NIN: variants seen among roughly 807,000 people sequenced by gnomAD.
NIN encodes the protein ninein, also known as glycogen synthase kinase 3 beta-interacting protein.
NIN carries 137 observed loss-of-function variants against 257.6 expected under a neutral mutation model. That is an observed-to-expected ratio of 0.53 (90% CI 0.46 to 0.61). NIN has a LOEUF of 0.61. Ranked by LOEUF, NIN falls within the 20% of genes least tolerant of loss-of-function variation. The pLI is 0.00. For synonymous variants in NIN, 918 were observed against 919.8 expected, an observed-to-expected ratio of 1.00 and a Z score of 0.04; for missense variants, 2,439 against 2,501.2, an observed-to-expected ratio of 0.98 and a Z score of 0.53.
chr14:50,725,739 C>A, intron 30 of NIN: 1 of 723,918 alleles, frequency 1.4e-6, no homozygotes, highest in East Asian at 2.7e-5. Context: ...TGTGGACAAA[C>A]ATGCCTTAAA....
intron 13 of NIN, 33 bp from the exon 14 acceptor site, chr14:50,766,429 T>C (rs758234488): frequency 2.5e-6 from 4 of 1,599,296 alleles, no homozygotes; most frequent in Non-Finnish European, 3.4e-6. Context: ...CTGTCATTTT[T>C]CCCGAGTGCC....
chr14:50,788,950 T>C (rs1324986203), intron 5 of NIN, among the ~76,000 whole-genome samples: 1 of 152,066 alleles, frequency 6.6e-6, no homozygotes, highest in Non-Finnish European at 1.5e-5. Context: ...AAAAAGTCAT[T>C]TGAGGAAAAA....
At chr14:50,731,775 G>T (rs145320595) in intron 28 of NIN, among the ~76,000 whole-genome samples, 134 of 152,268 alleles carry the variant, frequency 8.8e-4, no homozygotes, top group African/African-American at 3.1e-3. Flanking sequence ...GCAGTGAGCT[G>T]AAATCGCGCC....
chr14:50,790,821 T>C (rs944196225), intron 5 of NIN, among the ~76,000 whole-genome samples: 11 of 152,348 alleles, frequency 7.2e-5, no homozygotes, highest in Admixed American at 7.2e-4. Flanking sequence ...CTCTTATCTT[T>C]ATTTATACAT....
intron 15 of NIN, among the ~76,000 whole-genome samples, chr14:50,762,437 A>G (rs918533776): frequency 1.3e-5 from 2 of 152,152 alleles, no homozygotes; most frequent in African/African-American, 4.8e-5. Flanking sequence ...TTTCCTATGA[A>G]TTTCCTAGAG....
At position 50,729,632 on chromosome 14, in the gene NIN, G is replaced by T; in HGVS notation, c.5969C>A (p.Pro1990His). ...TTGAAGCTGCAGAAACTGCTCCCTG[G>T]GCACCATCGGACAGGCTTGCTGCTG... The part of the protein sequence containing the change: ...LLQQQACPMV[P>H]REQFLQLQRQ... The change falls in exon 29 of 31, where the codon CCC becomes CAC. Residue 1990 changes from proline to histidine, a missense_variant. Pro to His is a moderately conservative substitution (Grantham distance 77, BLOSUM62 -2). Coordinates refer to ENST00000530997, the MANE Select transcript of NIN (RefSeq NM_020921.4). 1 of 1,613,940 alleles carries T rather than the reference G, an allele frequency of 6.2e-7. No individual in the cohort carries two copies. Among genetic ancestry groups the T allele is most frequent in the Non-Finnish European group, 8.5e-7 (1 of 1,179,960 alleles).
chr14:50,789,939 T>G (rs1196422970), intron 5 of NIN, among the ~76,000 whole-genome samples: 1 of 152,246 alleles, frequency 6.6e-6, no homozygotes, highest in Non-Finnish European at 1.5e-5. Flanking sequence ...ACCACAAGAT[T>G]CCTGCATACA....
In NIN at chr14:50,765,633, C is replaced by T. The variant is rs536084370; in HGVS notation, c.1635+674G>A. On this transcript the variant is annotated intron_variant, in intron 14 of 30. Coordinates refer to ENST00000530997, the MANE Select transcript of NIN (RefSeq NM_020921.4). ...TTCTTGTTACTTGTAAAAATGTTTC[C>T]ATCTCTCCTGGCCGAAATTGGGAAT... is the stretch of plus-strand genomic sequence containing the variant. Among the ~76,000 whole-genome samples, 13 of 150,860 alleles carry T rather than the reference C, an allele frequency of 8.6e-5. No individual in the cohort carries two copies. The East Asian group carries it at 2.5e-3, about 29-fold the overall frequency.
chr14:50,724,897 G>A (rs1389088995), intron 30 of NIN, among the ~76,000 whole-genome samples: 1 of 152,106 alleles, frequency 6.6e-6, no homozygotes, highest in Non-Finnish European at 1.5e-5. Context: ...TTTCTCTTGT[G>A]TTCTCCTCTA....
chr14:50,750,294 G>A (rs2041732571), intron 21 of NIN, among the ~76,000 whole-genome samples: 1 of 151,994 alleles, frequency 6.6e-6, no homozygotes, highest in South Asian at 2.1e-4. Flanking sequence ...ACACATCTGT[G>A]TTTCTGTATC....
Position 50,794,385 on chromosome 14 carries a change from G to A in NIN, c.266-1504C>T, listed in dbSNP as rs2043741686. 5 of 458,786 alleles carry A rather than the reference G, an allele frequency of 1.1e-5. No homozygotes were observed. The South Asian group carries it at 3.8e-4, about 35-fold the overall frequency. The allele number at this position is 458,786 out of a possible 1,614,324, so 28.4% of individuals were successfully genotyped here. ...GTCGAGTGATTCTCTTACAGGAAGT[G>A]TTTAAGCATACAAAATTTATACTGA... On this transcript the variant is annotated intron_variant, in intron 4 of 30. Coordinates refer to ENST00000530997, the MANE Select transcript of NIN (RefSeq NM_020921.4).
At position 50,744,330 on chromosome 14, in the gene NIN, T is replaced by C; in HGVS notation, c.5100A>G (p.Gln1700=). 2 of 1,614,148 alleles carry C rather than the reference T, an allele frequency of 1.2e-6. No homozygotes were observed. The highest frequency in any genetic ancestry group is 2.2e-5 in the East Asian group (1 of 44,882). The change falls in exon 23 of 31, where the codon CAA becomes CAG. Residue 1700 remains glutamine (Q), a synonymous_variant. Coordinates refer to ENST00000530997, the MANE Select transcript of NIN (RefSeq NM_020921.4). The part of the protein sequence containing the change: ...HRCPDLSDFQ[Q]KISSVLSYNE... Reference sequence around the variant, plus strand: ...TGTAGCTTAGAACACTAGAGATTTTTTGCTGGAAGTCAGAGAGATCGGGAC... The same window carrying C: ...TGTAGCTTAGAACACTAGAGATTTTCTGCTGGAAGTCAGAGAGATCGGGAC...
chr14:50,796,462 GA>G (rs1287337914), intron 4 of NIN, among the ~76,000 whole-genome samples: 2 of 152,198 alleles, frequency 1.3e-5, no homozygotes, highest in African/African-American at 2.4e-5. Flanking sequence ...TTAAAAAGAT[GA>G]AGAAAATACT....
In NIN at chr14:50,732,441, C is replaced by T. The variant is rs74405640; in HGVS notation, c.5878-2718G>A. Among the ~76,000 whole-genome samples, 242 of 152,158 alleles carry T rather than the reference C, an allele frequency of 1.6e-3. 1 individual carries two copies. The highest frequency in any genetic ancestry group is 5.5e-3 in the African/African-American group (227 of 41,490). On this transcript the variant is annotated intron_variant, in intron 28 of 30. Coordinates refer to ENST00000530997, the MANE Select transcript of NIN (RefSeq NM_020921.4). ...AGGTATCATACTATAAATAAAAATC[C>T]AATTTGTAGCGCTGGAGAGGGGGAA...
rs1484457543 is a variant in NIN at position 50,827,724 on chromosome 14, TCCAGC to T, written c.-22+2735_-22+2739del. On this transcript the variant is annotated intron_variant, in intron 2 of 30. Coordinates refer to ENST00000530997, the MANE Select transcript of NIN (RefSeq NM_020921.4). ...GTGTGCCGAGATCATGCCATTGCAC[TCCAGC>T]CCAGGAGAGAGCGAGAGACTCCGTA... 3.0e-4 allele frequency among the ~76,000 whole-genome samples: 39 copies of T among 129,130 alleles called. No individual in the cohort carries two copies. The Admixed American group carries it at 3.2e-3, about 11-fold the overall frequency. The allele number at this position is 129,130 out of a possible 152,430, so 84.7% of individuals were successfully genotyped here. A position where few individuals can be genotyped will look rare whatever the true frequency, so the allele number is the denominator to read the frequency against.
Position 50,759,944 on chromosome 14 carries a change from G to T in NIN, c.2312C>A (p.Thr771Lys), listed in dbSNP as rs1038281307. 5 of 1,614,088 alleles carry T rather than the reference G, an allele frequency of 3.1e-6. No homozygotes were observed. The highest frequency in any genetic ancestry group is 4.2e-6 in the Non-Finnish European group (5 of 1,180,014). Reference protein sequence around the residue: ...ELEQFHQEQLTSLVEKHTLEK... With the variant: ...ELEQFHQEQLKSLVEKHTLEK... ...AAGAGTGTGTTTCTCCACCAGGCTT[G>T]TCAGCTGCTCCTGGTGAAACTGCTC... The change falls in exon 17 of 31, where the codon ACA (threonine) becomes AAA (lysine). Residue 771 changes from threonine (T) to lysine (K), a missense_variant. Around this residue, in one of 3 missense-constraint regions of NIN, gnomAD observed 2,043 missense variants for 2,050.2 expected, o/e 1.00. Coordinates refer to ENST00000530997, the MANE Select transcript of NIN (RefSeq NM_020921.4).
chr14:50,804,160 G>A (rs762912079), intron 4 of NIN, among the ~76,000 whole-genome samples: 2 of 152,124 alleles, frequency 1.3e-5, no homozygotes, highest in Admixed American at 6.5e-5. Flanking sequence ...GCCTCCCAAA[G>A]TGCTGGGATT....
At chr14:50,803,003 T>A (rs1366419050) in intron 4 of NIN, among the ~76,000 whole-genome samples, 3 of 152,192 alleles carry the variant, frequency 2.0e-5, no homozygotes, top group Admixed American at 6.5e-5. Flanking sequence ...GGTGTAAAGG[T>A]AACCTTTTAT....
At chr14:50,725,490 T>C (rs968199921) in intron 30 of NIN, among the ~76,000 whole-genome samples, 1 of 152,160 alleles carries the variant, frequency 6.6e-6, no homozygotes, top group East Asian at 1.9e-4. Context: ...TTTCATAAGC[T>C]GTTGGGAACA....
Sources: gnomAD v4.1 joint callset for allele counts (sites outside exome capture counted in the v4.1 genomes callset) on GRCh38, gnomAD v4.1.1 for gene constraint, gnomAD v4.1.1 regional missense constraint, MANE v1.5 for transcripts, NCBI Gene and HGNC (gene_info 2026-07-23, HGNC 2026-07-21) for gene names.